The following RABGAP1L variants were observed in gnomAD, a reference collection of about 807,000 sequenced individuals.
The protein encoded by RABGAP1L is rab GTPase-activating protein 1-like.
RABGAP1L carries 63 observed loss-of-function variants against 137.7 expected under a neutral mutation model. That is an observed-to-expected ratio of 0.46 (90% CI 0.37 to 0.56). The LOEUF is 0.56. Among genes scored for constraint, RABGAP1L ranks in the 20% least tolerant of loss-of-function variants. The pLI is 0.00. For missense variants in RABGAP1L, 1,095 were observed against 1,244.0 expected (o/e 0.88, Z 1.80); for synonymous variants, 431 against 433.7 (o/e 0.99, Z 0.08).
At chr1:174,422,609 T>C (rs1368193269) in intron 13 of RABGAP1L, among the ~76,000 whole-genome samples, 2 of 152,132 alleles carry the variant, frequency 1.3e-5, no homozygotes, top group Non-Finnish European at 2.9e-5. Flanking sequence ...TATGAATTAA[T>C]CTTAAATCAG....
At chr1:174,806,011 T>C (rs533909232) in intron 18 of RABGAP1L, among the ~76,000 whole-genome samples, 3 of 152,348 alleles carry the variant, frequency 2.0e-5, no homozygotes, top group African/African-American at 7.2e-5. Context: ...GCTCTAACAA[T>C]TTCCCAGTTG....
intron 13 of RABGAP1L, among the ~76,000 whole-genome samples, chr1:174,549,232 T>C (rs1666250817): frequency 6.6e-6 from 1 of 152,210 alleles, no homozygotes; most frequent in African/African-American, 2.4e-5. Context: ...TTACATTTTT[T>C]CAGTATACTA....
intron 18 of RABGAP1L, among the ~76,000 whole-genome samples, chr1:174,803,480 G>A (rs533275128): frequency 6.6e-6 from 1 of 152,216 alleles, no homozygotes; most frequent in African/African-American, 2.4e-5. Context: ...TCTAAAGCCT[G>A]TGCTTTCAAA....
At chr1:174,985,851 A>G (rs1418703573) in intron 24 of RABGAP1L, among the ~76,000 whole-genome samples, 1 of 152,254 alleles carries the variant, frequency 6.6e-6, no homozygotes, top group Non-Finnish European at 1.5e-5. Flanking sequence ...TGGTGTCATT[A>G]GTAACCCAAG....
Position 174,991,838 on chromosome 1 carries a change from G to A in RABGAP1L, c.*1837G>A, listed in dbSNP as rs1038899263. Reference sequence around the variant, plus strand: ...AAATGTTATCTTGGCGCTTGTTTTTGTAAATCATTTAGTATAGGCTGTTAG... The same window carrying A: ...AAATGTTATCTTGGCGCTTGTTTTTATAAATCATTTAGTATAGGCTGTTAG... On this transcript the variant is annotated 3_prime_UTR_variant, in exon 26 of 26. Transcript: ENST00000681986. 3.3e-5 allele frequency: 4 copies of A among 122,376 alleles called. No homozygotes were observed. The highest frequency in any genetic ancestry group is 6.9e-5 in the Non-Finnish European group (4 of 57,964). 7.6% of individuals were successfully genotyped at this position (122,376 alleles called of 1,614,324 possible).
chr1:174,848,798 T>C (rs1647576754), intron 19 of RABGAP1L, among the ~76,000 whole-genome samples: 1 of 151,204 alleles, frequency 6.6e-6, no homozygotes, highest in East Asian at 2.0e-4. Flanking sequence ...TAAGCAAGCC[T>C]GGGCAATGGC....
At chr1:174,503,998 G>A (rs1175085219) in intron 13 of RABGAP1L, among the ~76,000 whole-genome samples, 5 of 147,548 alleles carry the variant, frequency 3.4e-5, no homozygotes, top group African/African-American at 1.2e-4. Context: ...TTTGTGACAA[G>A]GTCTGGCTCT....
intron 19 of RABGAP1L, among the ~76,000 whole-genome samples, chr1:174,872,873 T>G (rs1652429057): frequency 6.6e-6 from 1 of 152,082 alleles, no homozygotes; most frequent in African/African-American, 2.4e-5. Flanking sequence ...ACTGTGAACA[T>G]TTTGTCATTT....
intron 13 of RABGAP1L, among the ~76,000 whole-genome samples, chr1:174,410,411 A>C (rs372351292): frequency 1.3e-5 from 2 of 152,168 alleles, no homozygotes; most frequent in South Asian, 2.1e-4. Flanking sequence ...ATAAGGGTCC[A>C]GTTTCTTTCT....
intron 13 of RABGAP1L, among the ~76,000 whole-genome samples, chr1:174,617,888 G>C (rs1308309559): frequency 6.6e-6 from 1 of 152,196 alleles, no homozygotes; most frequent in Admixed American, 6.5e-5. Flanking sequence ...AGTGGGTGCA[G>C]CTAGTCAAAG....
At chr1:174,223,298 C>G in intron 3 of RABGAP1L, among the ~76,000 whole-genome samples, 1 of 98,964 alleles carries the variant, frequency 1.0e-5, no homozygotes, top group East Asian at 3.9e-4. Context: ...AAAAAATTAG[C>G]TGGGCAGGGT....
intron 11 of RABGAP1L, among the ~76,000 whole-genome samples, chr1:174,370,537 C>T (rs1196624115): frequency 2.3e-4 from 13 of 57,708 alleles, no homozygotes; most frequent in Admixed American, 6.8e-4. Flanking sequence ...TTTACATTTC[C>T]GGTTGTTTGT....
At chr1:174,949,303 T>C (rs1336540504) in intron 19 of RABGAP1L, among the ~76,000 whole-genome samples, 1 of 152,228 alleles carries the variant, frequency 6.6e-6, no homozygotes, top group Non-Finnish European at 1.5e-5. Context: ...AAAGATTTAG[T>C]ACAGCAACTA....
intron 11 of RABGAP1L, among the ~76,000 whole-genome samples, chr1:174,364,354 A>C (rs1684426641): frequency 7.4e-6 from 1 of 135,212 alleles, no homozygotes; most frequent in Non-Finnish European, 1.5e-5. Flanking sequence ...TCCCGGGTTC[A>C]CGCCATTCTC....
At chr1:174,600,250 G>A (rs2148167361) in intron 13 of RABGAP1L, among the ~76,000 whole-genome samples, 1 of 152,260 alleles carries the variant, frequency 6.6e-6, no homozygotes, top group Non-Finnish European at 1.5e-5. Context: ...ACAATAACGT[G>A]GGAATTCTGG....
chr1:174,957,997 A>G (rs1668752980), intron 20 of RABGAP1L: 8 of 1,558,170 alleles, frequency 5.1e-6, no homozygotes, highest in Non-Finnish European at 6.9e-6. Flanking sequence ...ACTTTCAAAA[A>G]TGAAACAAAA....
chr1:174,424,561 G>T (rs1253904814), intron 13 of RABGAP1L, among the ~76,000 whole-genome samples: 1 of 152,028 alleles, frequency 6.6e-6, no homozygotes, highest in Non-Finnish European at 1.5e-5. Flanking sequence ...TTTGGCAGCA[G>T]TTGGCTTTTT....
At chr1:174,459,591 GTTGTA>G (rs912239312) in intron 13 of RABGAP1L, among the ~76,000 whole-genome samples, 3 of 152,054 alleles carry the variant, frequency 2.0e-5, no homozygotes, top group African/African-American at 7.2e-5. Context: ...AATATAATTA[GTTGTA>G]TTGTTTAGGG....
At chr1:174,353,919 C>T (rs1013106393) in intron 11 of RABGAP1L, among the ~76,000 whole-genome samples, 1 of 152,158 alleles carries the variant, frequency 6.6e-6, no homozygotes, top group African/African-American at 2.4e-5. Flanking sequence ...CATTTTGGTT[C>T]TTTTCAGCAG....
Sources: gnomAD v4.1 joint callset for allele counts (sites outside exome capture counted in the v4.1 genomes callset) on GRCh38, gnomAD v4.1.1 for gene constraint, MANE v1.5 for transcripts, NCBI Gene and HGNC (gene_info 2026-07-23, HGNC 2026-07-21) for gene names.